LMO3: variants seen among roughly 807,000 people sequenced by gnomAD.
LMO3 encodes LIM domain only protein 3.
A neutral mutation model predicts 15.8 loss-of-function variants in LMO3; 2 were observed. The ratio of observed to expected loss-of-function variants is 0.13; its 90% confidence interval spans 0.05 to 0.40. The LOEUF is 0.40. Ranked by LOEUF, LMO3 falls within the 10% of genes least tolerant of loss-of-function variation. LMO3 has a pLI of 0.99. For synonymous variants in LMO3, 62 were observed against 63.8 expected (o/e 0.97, Z 0.13); for missense variants, 86 against 182.2 (o/e 0.47, Z 3.04).
chr12:16,563,073 G>T (rs1275367893), intron 2 of LMO3, among the ~76,000 whole-genome samples: 1 of 151,930 alleles, frequency 6.6e-6, no homozygotes, highest in Non-Finnish European at 1.5e-5. Flanking sequence ...CTCGCTGGAG[G>T]CTCCATCAGT....
chr12:16,577,718 C>A (rs1219803008), intron 2 of LMO3, among the ~76,000 whole-genome samples: 1 of 152,034 alleles, frequency 6.6e-6, no homozygotes, highest in Non-Finnish European at 1.5e-5. Context: ...TTCCTTAAGG[C>A]AGTAATTTCC....
intron 2 of LMO3, among the ~76,000 whole-genome samples, chr12:16,592,976 C>T (rs2137637739): frequency 6.6e-6 from 1 of 151,770 alleles, no homozygotes; most frequent in South Asian, 2.1e-4. Context: ...CTAAAATTAG[C>T]TTTTCCCTCT....
chr12:16,560,351 A>G lies in LMO3; in HGVS notation c.332+62T>C. The G allele has an allele frequency of 6.6e-7, 1 of 1,526,388 alleles. No individual in the cohort carries two copies. The highest frequency in any genetic ancestry group is 1.8e-4 in the Middle Eastern group (1 of 5,710). 94.6% of individuals were successfully genotyped at this position (1,526,388 alleles called of 1,614,324 possible). ...TGTATGAATATAATTTCCACCTATT[A>G]AATAAATAGCCAGCACAGAGAGGTT... On this transcript the variant is annotated intron_variant, in intron 3 of 3. Transcript: ENST00000537304. The surrounding 1 kb of genome is among the most constrained non-coding windows in gnomAD (Gnocchi z 5.0).
In LMO3 at chr12:16,604,284, C is replaced by T. The variant is rs1943918494; in HGVS notation, c.-9+1782G>A. On this transcript the variant is annotated intron_variant, in intron 1 of 3. Transcript: ENST00000537304. The surrounding 1 kb of genome is among the most constrained non-coding windows in gnomAD (Gnocchi z 5.3). ...GGACAACAATGCAAATAGATGTCCC[C>T]AGATCTCAGGCACTGGAGCTGCTTA... Among the ~76,000 whole-genome samples the T allele has an allele frequency of 6.6e-6, 1 of 152,224 alleles. No individual in the cohort carries two copies. The highest frequency in any genetic ancestry group is 1.9e-4 in the East Asian group (1 of 5,154).
chr12:16,579,779 T>C (rs1027080943), intron 2 of LMO3, among the ~76,000 whole-genome samples: 4 of 152,134 alleles, frequency 2.6e-5, no homozygotes, highest in Non-Finnish European at 4.4e-5. Flanking sequence ...AGTGGCCGAG[T>C]GAATGCGATA....
At chr12:16,606,277 C>T (rs1160169057), upstream of LMO3, 1 of 156,358 alleles carries the variant, frequency 6.4e-6, no homozygotes. Context: ...CCACAGGTGT[C>T]CTCCTTTTAG....
At chr12:16,579,087 AAAAGGCACTGATTAT>A (rs1943082520) in intron 2 of LMO3, among the ~76,000 whole-genome samples, 1 of 152,156 alleles carries the variant, frequency 6.6e-6, no homozygotes, top group African/African-American at 2.4e-5. Context: ...TAGTTTTTTA[AAAAGGCACTGATTAT>A]AAAGGTCATA....
intron 1 of LMO3, 198 bp downstream of exon 1, chr12:16,605,868 A>T (rs1362282141): frequency 2.6e-6 from 4 of 1,518,008 alleles, no homozygotes; most frequent in East Asian, 4.9e-5. Flanking sequence ...GCCTCACATG[A>T]TTTAAACAAA....
intron 3 of LMO3, among the ~76,000 whole-genome samples, chr12:16,554,860 G>T (rs1261743397): frequency 6.6e-6 from 1 of 151,936 alleles, no homozygotes; most frequent in Non-Finnish European, 1.5e-5. Context: ...GGGTTTCACC[G>T]TGTTAGCCAG....
chr12:16,590,283 A>G (rs2058799), intron 2 of LMO3, among the ~76,000 whole-genome samples: 71,202 of 151,888 alleles, frequency 0.47, 19,065 homozygotes, highest in East Asian at 0.68. Flanking sequence ...GTTAGTGGTG[A>G]GAAATATAAG....
chr12:16,595,159 TAAAA>T (rs1324041671), intron 2 of LMO3, among the ~76,000 whole-genome samples: 1 of 151,466 alleles, frequency 6.6e-6, no homozygotes, highest in South Asian at 2.1e-4. Context: ...TATTAAAAGA[TAAAA>T]AACTATAAAG....
rs1362944171 is a variant in LMO3 at position 16,599,245 on chromosome 12, G to A, written c.206+1410C>T. Reference sequence around the variant, plus strand: ...GAGGGAAATCCTGGCTGGAGAGAGTGACTTCTCATTGTTGGCACCTTGCAT... The same window carrying A: ...GAGGGAAATCCTGGCTGGAGAGAGTAACTTCTCATTGTTGGCACCTTGCAT... On this transcript the variant is annotated intron_variant, in intron 2 of 3. Coordinates refer to ENST00000537304, the MANE Select transcript of LMO3 (RefSeq NM_018640.5). The surrounding 1 kb of genome is among the most constrained non-coding windows in gnomAD (Gnocchi z 4.1). 1 of 152,330 alleles carries A rather than the reference G, an allele frequency of 6.6e-6. No individual in the cohort carries two copies. Among genetic ancestry groups the A allele is most frequent in the Non-Finnish European group, 1.5e-5 (1 of 68,140 alleles). The allele number at this position is 152,330 out of a possible 1,614,324, so 9.4% of individuals were successfully genotyped here.
At chr12:16,566,194 T>C (rs969563022) in intron 2 of LMO3, among the ~76,000 whole-genome samples, 8 of 150,370 alleles carry the variant, frequency 5.3e-5, no homozygotes, top group African/African-American at 2.0e-4. Context: ...AAATAAAAAG[T>C]CGACATCATA....
chr12:16,604,393 A>G lies in LMO3; in HGVS notation c.-9+1673T>C, dbSNP rs1046905762. Among the ~76,000 whole-genome samples the G allele has an allele frequency of 2.6e-5, 4 of 151,312 alleles. No homozygotes were observed. The highest frequency in any genetic ancestry group is 4.9e-5 in the African/African-American group (2 of 41,176). On this transcript the variant is annotated intron_variant, in intron 1 of 3. Coordinates refer to ENST00000537304, the MANE Select transcript of LMO3 (RefSeq NM_018640.5). The surrounding 1 kb of genome is among the most constrained non-coding windows in gnomAD (Gnocchi z 5.3). ...TTTTGAGCAATGGAGCTGGGAACCA[A>G]TTTGATTCCCTTTTTCTCCAATGCA...
intron 2 of LMO3, chr12:16,574,026 T>TC (rs1024894721): frequency 6.6e-6 from 1 of 151,972 alleles, no homozygotes; most frequent in Non-Finnish European, 1.5e-5. Flanking sequence ...CTTCTCCGCT[T>TC]CCCCGCTTCC....
chr12:16,605,382 G>A, intron 1 of LMO3: 1 of 1,187,274 alleles, frequency 8.4e-7, no homozygotes, highest in Non-Finnish European at 1.0e-6. Context: ...TAGGATATAG[G>A]CACCTTGGTC....
chr12:16,570,673 G>A (rs1029607441), intron 2 of LMO3, among the ~76,000 whole-genome samples: 1 of 152,122 alleles, frequency 6.6e-6, no homozygotes, highest in Admixed American at 6.6e-5. Flanking sequence ...TGTGAAACAC[G>A]AACGAGTGAT....
intron 2 of LMO3, among the ~76,000 whole-genome samples, chr12:16,583,548 G>A (rs546022775): frequency 8.1e-4 from 124 of 152,242 alleles, no homozygotes; most frequent in African/African-American, 2.8e-3. Flanking sequence ...GAAGGAATAG[G>A]AAGACCTCAT....
intron 3 of LMO3, among the ~76,000 whole-genome samples, chr12:16,553,896 G>C (rs1317080478): frequency 6.6e-6 from 1 of 150,530 alleles, no homozygotes; most frequent in Non-Finnish European, 1.5e-5. Flanking sequence ...TATGAAAGGA[G>C]TGATAGCCAG....
Sources: allele counts gnomAD v4.1 joint callset (sites outside exome capture counted in the v4.1 genomes callset), GRCh38; gene constraint gnomAD v4.1.1; non-coding constraint Gnocchi (gnomAD v3.1); transcripts MANE v1.5; gene names NCBI Gene and HGNC (gene_info 2026-07-23, HGNC 2026-07-21).